Variants in GLIS3 observed in about 807,000 individuals in gnomAD.
GLIS3 encodes GLIS family zinc finger 3.
Under a neutral mutation model 78.6 loss-of-function variants are expected in GLIS3, and 53 were observed. That is an observed-to-expected ratio of 0.67 (90% confidence interval 0.54 to 0.85). The LOEUF is 0.85. Among genes scored for constraint, GLIS3 ranks in the 40% least tolerant of loss-of-function variants. The pLI, the probability that GLIS3 is intolerant of heterozygous loss-of-function variation, is 0.00. For synonymous variants in GLIS3, 684 were observed against 509.9 expected (o/e 1.34, Z -4.60); for missense variants, 1,703 against 1,231.1 (o/e 1.38, Z -5.74).
intron 9 of GLIS3, among the ~76,000 whole-genome samples, chr9:3,833,436 T>C (rs2129984246): frequency 6.6e-6 from 1 of 152,312 alleles, no homozygotes; most frequent in South Asian, 2.1e-4. Context: ...GCTCCTGCAT[T>C]CCAGCGGTTG....
chr9:4,478,416 G>C, the GLIS3 span, among the ~76,000 whole-genome samples: 1 of 152,122 alleles, frequency 6.6e-6, no homozygotes, highest in Non-Finnish European at 1.5e-5. Context: ...TTTGAAACCA[G>C]TCTGGCCAAC....
At chr9:4,448,373 T>G in the GLIS3 span, among the ~76,000 whole-genome samples, 1 of 152,178 alleles carries the variant, frequency 6.6e-6, no homozygotes, top group Admixed American at 6.5e-5. Context: ...ATCCCATGCT[T>G]GTGAGCACAG....
At chr9:4,147,786 A>G (rs1834343596) in intron 2 of GLIS3, 1 of 150,504 alleles carries the variant, frequency 6.6e-6, no homozygotes, top group Admixed American at 6.6e-5. Flanking sequence ...ACCTTTCTGG[A>G]AGCAAAGTTT....
chr9:4,410,603 GT>G, the GLIS3 span, among the ~76,000 whole-genome samples: 1 of 152,170 alleles, frequency 6.6e-6, no homozygotes, highest in Non-Finnish European at 1.5e-5. Flanking sequence ...CCAGCACAAA[GT>G]TATTTTAACT....
the GLIS3 span, among the ~76,000 whole-genome samples, chr9:4,456,125 T>C: frequency 6.6e-6 from 1 of 152,078 alleles, no homozygotes; most frequent in Non-Finnish European, 1.5e-5. Context: ...AAAAAAGTTG[T>C]GTTTACACTA....
chr9:4,111,854 T>G (rs1352380306), intron 4 of GLIS3, among the ~76,000 whole-genome samples: 1 of 152,248 alleles, frequency 6.6e-6, no homozygotes, highest in Non-Finnish European at 1.5e-5. Flanking sequence ...TGTTCACTGG[T>G]GGTGTTTCAG....
chr9:4,230,025 G>C (rs1442111316), intron 2 of GLIS3, among the ~76,000 whole-genome samples: 1 of 152,186 alleles, frequency 6.6e-6, no homozygotes, highest in Non-Finnish European at 1.5e-5. Context: ...GAAAGGACAG[G>C]AGACAGCAAT....
At chr9:4,473,360 C>T in the GLIS3 span, among the ~76,000 whole-genome samples, 1 of 150,790 alleles carries the variant, frequency 6.6e-6, no homozygotes, top group Non-Finnish European at 1.5e-5. Context: ...GCAGGAGAAT[C>T]GTTTGAACCT....
intron 6 of GLIS3, among the ~76,000 whole-genome samples, chr9:3,926,578 T>C (rs989901129): frequency 1.3e-5 from 2 of 151,652 alleles, no homozygotes; most frequent in Non-Finnish European, 1.5e-5. Context: ...TTTCATTTCT[T>C]TCTTCCTTTC....
At chr9:4,457,717 GC>G in the GLIS3 span, among the ~76,000 whole-genome samples, 1 of 151,890 alleles carries the variant, frequency 6.6e-6, no homozygotes, top group African/African-American at 2.4e-5. Context: ...GGGCATGGTG[GC>G]ACATATCTGT....
At chr9:4,073,408 T>A (rs566029125) in intron 4 of GLIS3, among the ~76,000 whole-genome samples, 1 of 152,316 alleles carries the variant, frequency 6.6e-6, no homozygotes, top group South Asian at 2.1e-4. Flanking sequence ...GAATTTTGAA[T>A]GAACACCCAG....
chr9:4,185,132 C>A (rs1247251653), intron 2 of GLIS3, among the ~76,000 whole-genome samples: 7 of 152,174 alleles, frequency 4.6e-5, no homozygotes, highest in African/African-American at 7.2e-5. Context: ...CCCTAGGCAA[C>A]AACTTGTCAA....
intron 4 of GLIS3, among the ~76,000 whole-genome samples, chr9:3,992,968 C>T (rs977392320): frequency 2.6e-5 from 4 of 152,170 alleles, no homozygotes; most frequent in Non-Finnish European, 5.9e-5. Flanking sequence ...TCTTGTGTGA[C>T]ATGGAGCCAA....
chr9:4,093,957 A>C (rs1480335059), intron 4 of GLIS3, among the ~76,000 whole-genome samples: 3 of 152,156 alleles, frequency 2.0e-5, no homozygotes, highest in Non-Finnish European at 4.4e-5. Context: ...TGAATCGATA[A>C]TTTGCTGCTG....
chr9:4,039,326 A>G (rs1824600344), intron 4 of GLIS3, among the ~76,000 whole-genome samples: 2 of 152,212 alleles, frequency 1.3e-5, no homozygotes, highest in Admixed American at 1.3e-4. Context: ...TGTCCAATGC[A>G]GTATTATCTA....
intron 2 of GLIS3, among the ~76,000 whole-genome samples, chr9:4,239,359 C>T (rs1243103664): frequency 6.6e-5 from 10 of 150,874 alleles, no homozygotes; most frequent in Non-Finnish European, 1.2e-4. Context: ...AACCCATAGA[C>T]GTTCACGACT....
intron 4 of GLIS3, among the ~76,000 whole-genome samples, chr9:4,058,129 T>A (rs1362071712): frequency 6.6e-6 from 1 of 152,152 alleles, no homozygotes; most frequent in East Asian, 1.9e-4. Context: ...ATCACAAGAC[T>A]TGTTTCTAGA....
upstream of GLIS3, among the ~76,000 whole-genome samples, chr9:4,300,319 C>A (rs748358835): frequency 1.7e-5 from 2 of 116,842 alleles, no homozygotes; most frequent in Non-Finnish European, 3.6e-5. Flanking sequence ...TTCTTCCTGG[C>A]CTTATTTGTT....
At chr9:4,370,183 C>CAAAAAA in the GLIS3 span, among the ~76,000 whole-genome samples, 4 of 88,374 alleles carry the variant, frequency 4.5e-5, no homozygotes, top group Non-Finnish European at 6.3e-5. Context: ...GACTCCATCT[C>CAAAAAA]AAAAAAAAAA....
Sources: gnomAD v4.1 joint callset for allele counts (sites outside exome capture counted in the v4.1 genomes callset) on GRCh38, gnomAD v4.1.1 for gene constraint, MANE v1.5 for transcripts, NCBI Gene and HGNC (gene_info 2026-07-23, HGNC 2026-07-21) for gene names.